Variants in NCOR1 observed in about 807,000 individuals in gnomAD.
NCOR1 encodes protein phosphatase 1, regulatory subunit 109.
In NCOR1, 63 loss-of-function variants were observed where a neutral mutation model predicts 288.1. That is an observed-to-expected ratio of 0.22 (90% CI 0.18 to 0.27). The LOEUF (loss-of-function observed/expected upper bound fraction) is 0.27, where lower values mean the gene tolerates loss of function less well. NCOR1 is among the 10% of genes least tolerant of loss of function. NCOR1 has a pLI of 1.00. For missense variants in NCOR1, 2,397 were observed against 3,019.2 expected (o/e 0.79, Z 4.83); for synonymous variants, 1,007 against 1,065.9 (o/e 0.94, Z 1.08).
chr17:16,196,924 G>A (rs1447332619), intron 1 of NCOR1, among the ~76,000 whole-genome samples: 1 of 152,116 alleles, frequency 6.6e-6, no homozygotes, highest in East Asian at 1.9e-4. Context: ...GGCTGAAGCA[G>A]GAGGATCACT....
chr17:16,202,223 C>CAAAAAAAAAA (rs35812448), intron 1 of NCOR1, among the ~76,000 whole-genome samples: 2 of 97,414 alleles, frequency 2.1e-5, no homozygotes, highest in African/African-American at 8.6e-5. Context: ...GACTCCATCT[C>CAAAAAAAAAA]AAAAAAAAAA....
chr17:16,106,883 A>ATTTTT (rs144246158), intron 19 of NCOR1, among the ~76,000 whole-genome samples: 5 of 31,412 alleles, frequency 1.6e-4, no homozygotes, highest in East Asian at 1.4e-3. Flanking sequence ...ATATATATAT[A>ATTTTT]TTTTTTTTTT....
At chr17:16,097,140 A>G (rs1188223342) in intron 21 of NCOR1, among the ~76,000 whole-genome samples, 1 of 152,234 alleles carries the variant, frequency 6.6e-6, no homozygotes, top group African/African-American at 2.4e-5. Context: ...TTTCCAGAGC[A>G]GTAAGAGTGT....
At chr17:16,170,080 T>C (rs1284334253) in intron 4 of NCOR1, among the ~76,000 whole-genome samples, 3 of 151,068 alleles carry the variant, frequency 2.0e-5, no homozygotes, top group African/African-American at 7.3e-5. Flanking sequence ...GATTCACCAG[T>C]AGTTAACATT....
chr17:16,132,630 T>C (rs2075812748), intron 14 of NCOR1, among the ~76,000 whole-genome samples: 1 of 152,186 alleles, frequency 6.6e-6, no homozygotes, highest in South Asian at 2.1e-4. Context: ...AAGAATAACC[T>C]CTGAACACAA....
chr17:16,080,612 T>C lies in NCOR1; in HGVS notation c.3293A>G (p.Lys1098Arg), dbSNP rs562260255. The part of the protein sequence containing the change: ...LGLPRQQESA[K>R]SATLPYIKQE... The stretch of plus-strand genomic sequence containing the variant: ...GACTGTATTAACTCACTGACCTGAT[T>C]TGGCAGATTCCTGTTGCCGTGGCAG... The change falls in exon 24 of 46, where the codon AAA (lysine) becomes AGA (arginine). Residue 1098 changes from lysine to arginine, a missense_variant. Lys to Arg is a conservative substitution (Grantham distance 26). This residue lies in a region of NCOR1 where 1,872 missense variants were observed against 2,187.8 expected (regional missense o/e 0.86). Transcript: ENST00000268712. 8 of 1,614,158 alleles carry C rather than the reference T, an allele frequency of 5.0e-6. No individual in the cohort carries two copies. The highest frequency in any genetic ancestry group is 1.6e-4 in the Middle Eastern group (1 of 6,062).
intron 43 of NCOR1, chr17:16,040,012 A>G (rs751070872): frequency 9.2e-5 from 36 of 391,172 alleles, no homozygotes; most frequent in Non-Finnish European, 4.9e-5. Context: ...CTGATCTCGA[A>G]TTCCGAACCT....
At chr17:16,172,887 T>C (rs531462165) in intron 3 of NCOR1, among the ~76,000 whole-genome samples, 1 of 152,328 alleles carries the variant, frequency 6.6e-6, no homozygotes, top group South Asian at 2.1e-4. Flanking sequence ...CAATATTTCA[T>C]TGAAAACAGA....
chr17:16,071,638 A>G lies in NCOR1; in HGVS notation c.3923T>C (p.Phe1308Ser), dbSNP rs139529222. The change falls in exon 30 of 46, where the codon TTT becomes TCT. Residue 1308 changes from phenylalanine to serine, a missense_variant. Physicochemically the swap from Phe to Ser is radical, Grantham distance 155. Transcript: ENST00000268712. ...TTTGGGATATTTAAGGCCATCTTCA[A>G]AGCTTTCAGTTGTTGCTCTTGGTGT... ...QGTPRATTESFEDGLKYPKQI... is the reference protein window; with the variant it reads ...QGTPRATTESSEDGLKYPKQI... 6.2e-6 allele frequency: 10 copies of G among 1,613,624 alleles called. No homozygotes were observed. Among genetic ancestry groups the G allele is most frequent in the Non-Finnish European group, 8.5e-6 (10 of 1,179,902 alleles).
chr17:16,043,632 A>G (rs1026702513), intron 42 of NCOR1, among the ~76,000 whole-genome samples: 16 of 152,218 alleles, frequency 1.1e-4, no homozygotes, highest in Admixed American at 1.0e-3. Flanking sequence ...CCTGTCAAAG[A>G]GTTTCCCACT....
chr17:16,040,236 TC>T, intron 43 of NCOR1: 1 of 669,086 alleles, frequency 1.5e-6, no homozygotes, highest in Non-Finnish European at 2.7e-6. Flanking sequence ...TTCTTTTTGT[TC>T]ATTTATCTTT....
chr17:16,170,415 A>AC (rs1351008343), intron 4 of NCOR1, among the ~76,000 whole-genome samples: 6 of 152,336 alleles, frequency 3.9e-5, no homozygotes, highest in Admixed American at 3.9e-4. Flanking sequence ...AAAAAGGTTA[A>AC]CACTTTACTG....
At chr17:16,214,853 G>A (rs923135562) in intron 1 of NCOR1, among the ~76,000 whole-genome samples, 1 of 152,210 alleles carries the variant, frequency 6.6e-6, no homozygotes, top group African/African-American at 2.4e-5. Flanking sequence ...CCAGTACCCA[G>A]CCTTCGCCAT....
intron 14 of NCOR1, among the ~76,000 whole-genome samples, chr17:16,136,369 G>A (rs192348784): frequency 2.5e-4 from 38 of 152,080 alleles, no homozygotes; most frequent in Middle Eastern, 3.4e-3. Context: ...CTATTATTTT[G>A]TAAAGACAGG....
intron 3 of NCOR1, among the ~76,000 whole-genome samples, chr17:16,182,854 G>T (rs1018794361): frequency 6.6e-6 from 1 of 151,732 alleles, no homozygotes; most frequent in Non-Finnish European, 1.5e-5. Context: ...GAGAAGAAAA[G>T]AAATAAAAAT....
intron 1 of NCOR1, among the ~76,000 whole-genome samples, chr17:16,208,055 T>C: frequency 7.0e-6 from 1 of 142,058 alleles, no homozygotes; most frequent in African/African-American, 2.6e-5. Flanking sequence ...TTTTTTTTTT[T>C]TTTTGAGACG....
chr17:16,127,645 G>GTATGTGTATATATACATATATGTA (rs2074859209), intron 14 of NCOR1, among the ~76,000 whole-genome samples: 1 of 141,100 alleles, frequency 7.1e-6, no homozygotes, highest in African/African-American at 2.8e-5. Context: ...GTATATATGT[G>GTATGTGTATATATACATATATGTA]TATGTGTATA....
intron 28 of NCOR1, 47 bp downstream of exon 28, chr17:16,073,382 T>C (rs117087658): frequency 0.018 from 26,610 of 1,491,182 alleles, 312 homozygotes; most frequent in South Asian, 0.035. Context: ...AAAATTACTA[T>C]ATAAAATAAC....
intron 10 of NCOR1, 69 bp downstream of exon 10, chr17:16,146,307 T>A (rs971786062): frequency 2.6e-5 from 38 of 1,454,280 alleles, no homozygotes; most frequent in South Asian, 1.2e-4. Flanking sequence ...ACTAAAAAAA[T>A]TTTTAAAAAA....
Sources: allele counts gnomAD v4.1 joint callset (sites outside exome capture counted in the v4.1 genomes callset), GRCh38; gene constraint gnomAD v4.1.1; regional missense constraint gnomAD v4.1.1; transcripts MANE v1.5; gene names NCBI Gene and HGNC (gene_info 2026-07-23, HGNC 2026-07-21).